Variants in TMEM229B observed in about 807,000 individuals in gnomAD.
TMEM229B encodes the protein chromosome 14 open reading frame 83.
TMEM229B carries 6 observed loss-of-function variants against 13.7 expected under a neutral mutation model. That is an observed-to-expected ratio of 0.44 (90% CI 0.24 to 0.86). TMEM229B has a LOEUF of 0.86. TMEM229B is among the 40% of genes least tolerant of loss of function. The pLI, the probability that TMEM229B is intolerant of heterozygous loss-of-function variation, is 0.23. For synonymous variants in TMEM229B, 107 were observed against 102.1 expected (o/e 1.05, Z -0.29); for missense variants, 170 against 236.0 (o/e 0.72, Z 1.83).
chr14:67,512,597 T>G (rs2033062999), intron 1 of TMEM229B, among the ~76,000 whole-genome samples: 1 of 152,170 alleles, frequency 6.6e-6, no homozygotes, highest in South Asian at 2.1e-4. Flanking sequence ...GAGGGTTAGC[T>G]ATCCCTTCCC....
intron 1 of TMEM229B, among the ~76,000 whole-genome samples, chr14:67,502,682 C>T (rs1214738499): frequency 6.6e-6 from 1 of 151,972 alleles, no homozygotes; most frequent in Non-Finnish European, 1.5e-5. Flanking sequence ...AAACTCCCGA[C>T]CTCAGGTGAT....
intron 1 of TMEM229B, among the ~76,000 whole-genome samples, chr14:67,496,488 C>G (rs12891305): frequency 6.9e-6 from 1 of 144,634 alleles, no homozygotes; most frequent in South Asian, 2.2e-4. Context: ...ACTGCAGCCT[C>G]TGCTACCCAG....
At chr14:67,519,723 T>C (rs1275864781), upstream of TMEM229B, among the ~76,000 whole-genome samples, 1 of 151,756 alleles carries the variant, frequency 6.6e-6, no homozygotes, top group African/African-American at 2.4e-5. Context: ...TGTTTTTTTT[T>C]TTTTTTACTT....
intron 1 of TMEM229B, among the ~76,000 whole-genome samples, chr14:67,494,313 A>G (rs2032281876): frequency 6.6e-6 from 1 of 152,248 alleles, no homozygotes; most frequent in Non-Finnish European, 1.5e-5. Context: ...TCATTAGGAC[A>G]GCCTCAAACC....
At chr14:67,507,699 T>A (rs1389496160) in intron 1 of TMEM229B, among the ~76,000 whole-genome samples, 1 of 152,184 alleles carries the variant, frequency 6.6e-6, no homozygotes, top group Non-Finnish European at 1.5e-5. Flanking sequence ...TCTCCCAAAG[T>A]GCTAGGATTA....
intron 1 of TMEM229B, among the ~76,000 whole-genome samples, chr14:67,512,350 T>C (rs182508607): frequency 3.3e-5 from 5 of 152,306 alleles, no homozygotes; most frequent in South Asian, 4.2e-4. Flanking sequence ...ATCTGGCCAA[T>C]AGAGGCTGAA....
intron 1 of TMEM229B, among the ~76,000 whole-genome samples, chr14:67,530,828 T>C (rs1164524018): frequency 6.6e-6 from 1 of 152,188 alleles, no homozygotes; most frequent in Non-Finnish European, 1.5e-5. Context: ...TGCCAATACA[T>C]GTATATTTGG....
At chr14:67,480,613 G>A (rs966601991) in intron 2 of TMEM229B, among the ~76,000 whole-genome samples, 3 of 152,108 alleles carry the variant, frequency 2.0e-5, no homozygotes, top group Non-Finnish European at 4.4e-5. Context: ...GCACAGGGAT[G>A]TGGAGACCTC....
At chr14:67,501,239 A>G (rs1432669101) in intron 1 of TMEM229B, among the ~76,000 whole-genome samples, 1 of 152,138 alleles carries the variant, frequency 6.6e-6, no homozygotes, top group East Asian at 1.9e-4. Flanking sequence ...CAGTGGAGTT[A>G]GGAGAAACGG....
intron 1 of TMEM229B, among the ~76,000 whole-genome samples, chr14:67,505,773 C>T (rs1002123408): frequency 2.0e-5 from 3 of 151,514 alleles, no homozygotes; most frequent in Admixed American, 1.3e-4. Flanking sequence ...GTGGTGCGAT[C>T]TCAGCTCACT....
intron 1 of TMEM229B, among the ~76,000 whole-genome samples, chr14:67,496,396 T>TTTTTTTTG (rs2032374164): frequency 8.5e-6 from 1 of 117,026 alleles, no homozygotes. Flanking sequence ...CCGGCGTTTT[T>TTTTTTTTG]TTTTTTTTTT....
At chr14:67,505,831 C>T (rs2032805765) in intron 1 of TMEM229B, among the ~76,000 whole-genome samples, 2 of 151,966 alleles carry the variant, frequency 1.3e-5, no homozygotes, top group South Asian at 4.1e-4. Flanking sequence ...ATCAGCCTCC[C>T]TGGGATTACA....
intron 1 of TMEM229B, among the ~76,000 whole-genome samples, chr14:67,525,572 C>T (rs759348681): frequency 7.4e-4 from 113 of 152,288 alleles, no homozygotes; most frequent in Non-Finnish European, 1.0e-3. Flanking sequence ...GAAGAAAGGA[C>T]GCAAGAATCA....
intron 2 of TMEM229B, among the ~76,000 whole-genome samples, chr14:67,481,619 G>A (rs919520288): frequency 2.0e-5 from 3 of 152,182 alleles, no homozygotes; most frequent in South Asian, 2.1e-4. Context: ...ACTTGGATGC[G>A]TTTTCAGAAC....
intron 1 of TMEM229B, among the ~76,000 whole-genome samples, chr14:67,506,551 T>C (rs1369406533): frequency 1.3e-5 from 2 of 152,180 alleles, no homozygotes; most frequent in Non-Finnish European, 1.5e-5. Flanking sequence ...GATAGGGGAA[T>C]AAGAGGTGAG....
chr14:67,503,766 C>T (rs765875795), intron 1 of TMEM229B, among the ~76,000 whole-genome samples: 10 of 152,022 alleles, frequency 6.6e-5, no homozygotes, highest in Admixed American at 3.3e-4. Context: ...TACAGTCGTG[C>T]GATCTCAGCT....
chr14:67,509,272 CTG>C (rs2032944989), intron 1 of TMEM229B, among the ~76,000 whole-genome samples: 1 of 152,156 alleles, frequency 6.6e-6, no homozygotes, highest in African/African-American at 2.4e-5. Flanking sequence ...AAACAAGAAT[CTG>C]TACTTCTGTC....
At chr14:67,526,045 G>T (rs1019899429) in intron 1 of TMEM229B, among the ~76,000 whole-genome samples, 3 of 152,182 alleles carry the variant, frequency 2.0e-5, no homozygotes, top group African/African-American at 7.2e-5. Flanking sequence ...CCTTATATAT[G>T]AGACCTGTCT....
At chr14:67,504,012 T>C (rs550563110) in intron 1 of TMEM229B, among the ~76,000 whole-genome samples, 1 of 149,448 alleles carries the variant, frequency 6.7e-6, no homozygotes, top group East Asian at 2.0e-4. Flanking sequence ...TATTTTTTAA[T>C]TTTTATTTTT....
Sources: allele counts gnomAD v4.1 joint callset (sites outside exome capture counted in the v4.1 genomes callset), GRCh38; gene constraint gnomAD v4.1.1; transcripts MANE v1.5; gene names NCBI Gene and HGNC (gene_info 2026-07-23, HGNC 2026-07-21).